The following RAB28 variants were observed in gnomAD, a reference collection of about 807,000 sequenced individuals.
RAB28 encodes the protein ras-related protein Rab-28.
RAB28 carries 24 observed loss-of-function variants against 31.7 expected under a neutral mutation model. The ratio of observed to expected loss-of-function variants is 0.76; its 90% confidence interval spans 0.55 to 1.06. The LOEUF is 1.06. RAB28 is among the 50% of genes least tolerant of loss of function. RAB28 has a pLI of 0.00. For synonymous variants in RAB28, 100 were observed against 90.4 expected (o/e 1.11, Z -0.60); for missense variants, 254 against 258.5 (o/e 0.98, Z 0.12).
At chr4:13,399,441 A>AGC (rs1346089000) in intron 4 of RAB28, among the ~76,000 whole-genome samples, 1 of 152,364 alleles carries the variant, frequency 6.6e-6, no homozygotes, top group African/African-American at 2.4e-5. Context: ...TAATATGCCT[A>AGC]GCTGTCTAAG....
intron 4 of RAB28, among the ~76,000 whole-genome samples, chr4:13,397,890 T>C (rs28494492): frequency 0.02 from 2,986 of 152,214 alleles, 87 homozygotes; most frequent in African/African-American, 0.067. Flanking sequence ...TACAATCACA[T>C]ACATATCCAC....
chr4:13,467,158 A>T (rs59858667), intron 3 of RAB28, among the ~76,000 whole-genome samples: 7 of 151,848 alleles, frequency 4.6e-5, no homozygotes, highest in African/African-American at 1.5e-4. Flanking sequence ...AATTGCTAAA[A>T]GACTAAATTT....
chr4:13,465,944 AC>A (rs1715821265), intron 3 of RAB28, among the ~76,000 whole-genome samples: 1 of 151,968 alleles, frequency 6.6e-6, no homozygotes, highest in Admixed American at 6.6e-5. Context: ...TGATTTTTCA[AC>A]AACAGAGCCA....
chr4:13,457,615 A>AC (rs1021810087), intron 4 of RAB28, among the ~76,000 whole-genome samples: 33 of 151,038 alleles, frequency 2.2e-4, no homozygotes, highest in African/African-American at 7.5e-4. Flanking sequence ...AGAAAAAAGA[A>AC]AAAAAAAAAC....
intron 4 of RAB28, among the ~76,000 whole-genome samples, chr4:13,392,223 G>C (rs141534432): frequency 1.8e-4 from 28 of 152,280 alleles, no homozygotes; most frequent in South Asian, 6.2e-4. Context: ...CCAGGATAAA[G>C]TGGCCTGTAT....
intron 4 of RAB28, among the ~76,000 whole-genome samples, chr4:13,435,036 G>GA (rs1420971481): frequency 0.016 from 2,119 of 128,974 alleles, 59 homozygotes; most frequent in African/African-American, 0.061. Flanking sequence ...AAAAAAAAAA[G>GA]AAAAGAAAAA....
At chr4:13,397,088 CAATT>C (rs920058711) in intron 4 of RAB28, among the ~76,000 whole-genome samples, 135 of 152,090 alleles carry the variant, frequency 8.9e-4, no homozygotes, top group African/African-American at 2.9e-3. Context: ...TACAAATAAT[CAATT>C]GTGTCTAAAA....
chr4:13,439,787 T>C (rs1714318876), intron 4 of RAB28, among the ~76,000 whole-genome samples: 1 of 152,220 alleles, frequency 6.6e-6, no homozygotes, highest in African/African-American at 2.4e-5. Flanking sequence ...CATGAGCATA[T>C]TGCATAATGC....
chr4:13,481,078 T>C (rs1716584511), intron 1 of RAB28, among the ~76,000 whole-genome samples: 1 of 152,026 alleles, frequency 6.6e-6, no homozygotes, highest in Non-Finnish European at 1.5e-5. Flanking sequence ...GTAATGTCAT[T>C]TGAGATAATT....
chr4:13,390,887 C>T (rs1577165597), intron 4 of RAB28, among the ~76,000 whole-genome samples: 1 of 152,078 alleles, frequency 6.6e-6, no homozygotes, highest in Non-Finnish European at 1.5e-5. Flanking sequence ...TTCCTTACAC[C>T]TTATACAAAA....
Position 13,367,733 on chromosome 4 carries a change from T to G in RAB28, c.*825A>C, listed in dbSNP as rs1206399789. The G allele has an allele frequency of 3.1e-6, 3 of 981,616 alleles. No homozygotes were observed. The highest frequency in any genetic ancestry group is 6.2e-5 in the Admixed American group (1 of 16,240). 60.8% of individuals were successfully genotyped at this position (981,616 alleles called of 1,614,324 possible). A position where few individuals can be genotyped will look rare whatever the true frequency, so the allele number is the denominator to read the frequency against. On this transcript the variant is annotated 3_prime_UTR_variant, in exon 7 of 7. Coordinates refer to ENST00000330852, the MANE Select transcript of RAB28 (RefSeq NM_001017979.3). ...AAATTGCCAAAAGAAGTAATTTAAA[T>G]AAGTTTATTTGTGAAAGAAAAACAT...
intron 4 of RAB28, among the ~76,000 whole-genome samples, chr4:13,440,362 G>A (rs546469262): frequency 6.6e-6 from 1 of 151,884 alleles, no homozygotes; most frequent in Non-Finnish European, 1.5e-5. Flanking sequence ...AAGTGAGGAG[G>A]CACCATTTAC....
chr4:13,458,855 GT>G (rs1715444324), intron 4 of RAB28, among the ~76,000 whole-genome samples: 1 of 152,182 alleles, frequency 6.6e-6, no homozygotes, highest in African/African-American at 2.4e-5. Context: ...TACCATATAG[GT>G]TTGTGTAAAT....
intron 4 of RAB28, among the ~76,000 whole-genome samples, chr4:13,401,637 G>T (rs1352952360): frequency 6.6e-6 from 1 of 152,118 alleles, no homozygotes; most frequent in East Asian, 1.9e-4. Context: ...CTAAGAATTT[G>T]TAATGATTTC....
intron 4 of RAB28, among the ~76,000 whole-genome samples, chr4:13,427,740 C>A (rs55851520): frequency 6.6e-6 from 1 of 151,880 alleles, no homozygotes; most frequent in African/African-American, 2.4e-5. Context: ...CAAACGGACC[C>A]GGGAGAGAGG....
chr4:13,474,905 T>G (rs1287362534), intron 2 of RAB28, among the ~76,000 whole-genome samples: 1 of 151,618 alleles, frequency 6.6e-6, no homozygotes, highest in Non-Finnish European at 1.5e-5. Flanking sequence ...AATTAATGAA[T>G]CTTTTTATAA....
intron 4 of RAB28, among the ~76,000 whole-genome samples, chr4:13,418,349 ACTT>A (rs1445093368): frequency 6.6e-6 from 1 of 152,240 alleles, no homozygotes; most frequent in Non-Finnish European, 1.5e-5. Context: ...ATCCAGGAGA[ACTT>A]CCCCAACCCA....
intron 4 of RAB28, among the ~76,000 whole-genome samples, chr4:13,435,333 C>T (rs950914346): frequency 4.0e-5 from 6 of 151,384 alleles, no homozygotes; most frequent in Non-Finnish European, 8.8e-5. Flanking sequence ...GAAACAAGAA[C>T]CAACTAAACA....
intron 3 of RAB28, among the ~76,000 whole-genome samples, chr4:13,462,878 A>G (rs1715665885): frequency 6.6e-6 from 1 of 152,296 alleles, no homozygotes; most frequent in South Asian, 2.1e-4. Context: ...AAGAAGATTA[A>G]TCTTCAAGCT....
Sources: allele counts gnomAD v4.1 joint callset (sites outside exome capture counted in the v4.1 genomes callset), GRCh38; gene constraint gnomAD v4.1.1; transcripts MANE v1.5; gene names NCBI Gene and HGNC (gene_info 2026-07-23, HGNC 2026-07-21).